Variants in CCDC88C observed in about 807,000 individuals in gnomAD.
The protein encoded by CCDC88C is protein Daple.
A neutral mutation model predicts 198.8 loss-of-function variants in CCDC88C; 131 were observed. The ratio of observed to expected loss-of-function variants is 0.66; its 90% CI spans 0.57 to 0.76. The LOEUF is 0.76. CCDC88C is among the 30% of genes least tolerant of loss of function. CCDC88C has a pLI of 0.00. For missense variants in CCDC88C, 2,553 were observed against 2,631.6 expected, an observed-to-expected ratio of 0.97 and a Z score of 0.65; for synonymous variants, 1,166 against 1,114.7, an observed-to-expected ratio of 1.05 and a Z score of -0.92.
intron 27 of CCDC88C, chr14:91,281,113 C>A: frequency 2.1e-6 from 1 of 484,206 alleles, no homozygotes; most frequent in South Asian, 1.5e-5. Flanking sequence ...TGGGCAACTG[C>A]AGCCAAGTGA....
chr14:91,303,677 T>C, intron 20 of CCDC88C, 24 bp downstream of exon 20: 1 of 1,534,840 alleles, frequency 6.5e-7, no homozygotes. Flanking sequence ...CCTCCCCAGA[T>C]CCCCTTCCTT....
intron 2 of CCDC88C, among the ~76,000 whole-genome samples, chr14:91,412,744 A>G (rs1052769463): frequency 6.6e-6 from 1 of 152,086 alleles, no homozygotes; most frequent in Non-Finnish European, 1.5e-5. Flanking sequence ...CTGTTTGTAT[A>G]ATTTTTAAGG....
intron 3 of CCDC88C, among the ~76,000 whole-genome samples, chr14:91,383,939 T>TA (rs1884967110): frequency 6.6e-6 from 1 of 152,230 alleles, no homozygotes; most frequent in African/African-American, 2.4e-5. Flanking sequence ...CTCCCTCTGT[T>TA]ACTACTATAA....
At chr14:91,280,647 T>C (rs1292036625) in intron 27 of CCDC88C, among the ~76,000 whole-genome samples, 1 of 152,198 alleles carries the variant, frequency 6.6e-6, no homozygotes, top group Non-Finnish European at 1.5e-5. Context: ...AAAGTTCCTA[T>C]GGTTAGCTGA....
Position 91,326,201 on chromosome 14 carries a change from C to CTT in CCDC88C, c.1051-147_1051-146dup, listed in dbSNP as rs200507629. Reference sequence around the variant, plus strand: ...TCCGAGGCAGGAAGTTTTTCCTCTACTTTTTTTTTTATCATCTTCACCTTT... The same window carrying CTT: ...TCCGAGGCAGGAAGTTTTTCCTCTACTTTTTTTTTTTTATCATCTTCACCTTT... On this transcript the variant is annotated intron_variant, in intron 10 of 29. Transcript: ENST00000389857. The CTT allele has an allele frequency of 1.1e-3, 599 of 566,276 alleles. 2 individuals are homozygous for CTT. Among genetic ancestry groups the CTT allele is most frequent in the African/African-American group, 9.5e-3 (491 of 51,478 alleles). 35.1% of individuals were successfully genotyped at this position (566,276 alleles called of 1,614,324 possible).
chr14:91,312,321 G>A (rs1891865737), intron 15 of CCDC88C, among the ~76,000 whole-genome samples: 1 of 152,162 alleles, frequency 6.6e-6, no homozygotes, highest in African/African-American at 2.4e-5. Flanking sequence ...CCAGGAGGTG[G>A]AGCCTGCAGT....
chr14:91,389,340 G>A (rs1374999077), intron 3 of CCDC88C, among the ~76,000 whole-genome samples: 3 of 152,254 alleles, frequency 2.0e-5, no homozygotes, highest in East Asian at 3.9e-4. Flanking sequence ...CTTCCCCAGG[G>A]GAAAAGTCAA....
intron 3 of CCDC88C, among the ~76,000 whole-genome samples, chr14:91,377,973 G>A (rs1884549314): frequency 6.6e-6 from 1 of 152,110 alleles, no homozygotes; most frequent in South Asian, 2.1e-4. Flanking sequence ...GCCTAGCTGA[G>A]GGGAGACTGG....
chr14:91,376,641 G>A (rs1387349058), intron 3 of CCDC88C, among the ~76,000 whole-genome samples: 2 of 152,208 alleles, frequency 1.3e-5, no homozygotes, highest in African/African-American at 4.8e-5. Context: ...AGAGCCACCT[G>A]GCAGCAGAGG....
chr14:91,302,564 T>G (rs1891346211), intron 20 of CCDC88C, among the ~76,000 whole-genome samples: 1 of 152,130 alleles, frequency 6.6e-6, no homozygotes, highest in African/African-American at 2.4e-5. Flanking sequence ...CCCAAGACCA[T>G]GAACTGTCAA....
Position 91,405,249 on chromosome 14 carries a change from T to C in CCDC88C, c.270+3410A>G, listed in dbSNP as rs576707518. Reference sequence around the variant, plus strand: ...CTTCCAGACTGTCACTGCTCCAGTGTGCCGCAGAGAAGAAGGGGACAGTTA... The same window carrying C: ...CTTCCAGACTGTCACTGCTCCAGTGCGCCGCAGAGAAGAAGGGGACAGTTA... On this transcript the variant is annotated intron_variant, in intron 3 of 29. Transcript: ENST00000389857. Among the ~76,000 whole-genome samples the C allele has an allele frequency of 8.5e-5, 13 of 152,258 alleles. No homozygotes were observed. In the East Asian group the frequency reaches 2.3e-3, roughly 27 times the overall value.
intron 3 of CCDC88C, among the ~76,000 whole-genome samples, chr14:91,403,298 A>T (rs1206194225): frequency 1.3e-5 from 2 of 152,198 alleles, no homozygotes; most frequent in Non-Finnish European, 2.9e-5. Flanking sequence ...TGACAAAGAC[A>T]TACGTCTCCA....
intron 3 of CCDC88C, among the ~76,000 whole-genome samples, chr14:91,391,491 G>C (rs562342356): frequency 1.3e-5 from 2 of 152,224 alleles, no homozygotes; most frequent in East Asian, 1.9e-4. Flanking sequence ...TTAAAAGTCA[G>C]AAGTAGGCCG....
Position 91,308,503 on chromosome 14 carries a change from C to G in CCDC88C, c.2865-11G>C. On this transcript the variant is annotated splice_polypyrimidine_tract_variant and intron_variant, in intron 16 of 29. Coordinates refer to ENST00000389857, the MANE Select transcript of CCDC88C (RefSeq NM_001080414.4). ...AAAATCTTGTATTTTCTGGAAAACA[C>G]AAAGATACAATAGTATCACTTATCT... 1 of 1,613,356 alleles carries G rather than the reference C, an allele frequency of 6.2e-7. No individual in the cohort carries two copies. The highest frequency in any genetic ancestry group is 1.1e-5 in the South Asian group (1 of 91,062).
chr14:91,414,456 G>A (rs1886942966), intron 2 of CCDC88C, among the ~76,000 whole-genome samples: 2 of 152,144 alleles, frequency 1.3e-5, no homozygotes, highest in Admixed American at 6.5e-5. Context: ...AGCATGAAAT[G>A]CATAAAGTTA....
chr14:91,356,999 A>G (rs954263671), intron 4 of CCDC88C, among the ~76,000 whole-genome samples: 4 of 152,356 alleles, frequency 2.6e-5, no homozygotes, highest in Non-Finnish European at 5.9e-5. Flanking sequence ...ACCATATGCC[A>G]TTTTTATAGG....
chr14:91,394,446 G>A (rs1008111839), intron 3 of CCDC88C, among the ~76,000 whole-genome samples: 5 of 152,200 alleles, frequency 3.3e-5, no homozygotes, highest in Non-Finnish European at 7.3e-5. Context: ...GTCTAGAAAG[G>A]GCAGCAGGTC....
At chr14:91,401,346 A>T (rs907752616) in intron 3 of CCDC88C, among the ~76,000 whole-genome samples, 19 of 127,034 alleles carry the variant, frequency 1.5e-4, no homozygotes, top group African/African-American at 2.2e-4. Context: ...ATATATATAT[A>T]TTTTTTGAGA....
chr14:91,307,355 T>A, intron 17 of CCDC88C, 129 bp from the exon 18 acceptor site: 1 of 737,604 alleles, frequency 1.4e-6, no homozygotes, highest in Non-Finnish European at 2.3e-6. Context: ...CTGGTCTGTG[T>A]AAGCCAGACG....
Sources: allele counts gnomAD v4.1 joint callset (sites outside exome capture counted in the v4.1 genomes callset), GRCh38; gene constraint gnomAD v4.1.1; transcripts MANE v1.5; gene names NCBI Gene and HGNC (gene_info 2026-07-23, HGNC 2026-07-21).